TRIQK: variants seen among roughly 807,000 people sequenced by gnomAD.
TRIQK encodes triple QxxK/R motif-containing protein.
TRIQK carries 10 observed loss-of-function variants against 10.8 expected under a neutral mutation model. The ratio of observed to expected loss-of-function variants is 0.92; its 90% CI spans 0.57 to 1.57. The LOEUF is 1.57. TRIQK is among the 40% of genes most tolerant of loss of function. The pLI, the probability that TRIQK is intolerant of heterozygous loss-of-function variation, is 0.00. For synonymous variants in TRIQK, 33 were observed against 33.7 expected (o/e 0.98, Z 0.07); for missense variants, 107 against 97.7 (o/e 1.09, Z -0.40).
intron 1 of TRIQK, among the ~76,000 whole-genome samples, chr8:92,986,877 G>A (rs753339310): frequency 5.3e-5 from 8 of 152,268 alleles, no homozygotes; most frequent in Non-Finnish European, 1.0e-4. Flanking sequence ...TGATAGTTAA[G>A]ATGGTTGTCC....
At chr8:92,974,873 C>T (rs1812915590) in intron 1 of TRIQK, 1 of 152,224 alleles carries the variant, frequency 6.6e-6, no homozygotes, top group Non-Finnish European at 1.5e-5. Flanking sequence ...TCTGCAGGGC[C>T]TTGCCTGGGA....
upstream of TRIQK, among the ~76,000 whole-genome samples, chr8:92,967,831 A>AT (rs1162019476): frequency 6.6e-6 from 1 of 150,804 alleles, no homozygotes; most frequent in Non-Finnish European, 1.5e-5. Flanking sequence ...CAAAAAAAAA[A>AT]AAAAAAAAAA....
chr8:92,988,890 C>A (rs543733414), intron 1 of TRIQK, among the ~76,000 whole-genome samples: 4 of 152,168 alleles, frequency 2.6e-5, no homozygotes, highest in African/African-American at 9.6e-5. Context: ...CCCTTCCTTC[C>A]TTTTTGTTGT....
chr8:93,004,935 A>G (rs1009364645), intron 1 of TRIQK, among the ~76,000 whole-genome samples: 2 of 152,164 alleles, frequency 1.3e-5, no homozygotes, highest in Non-Finnish European at 2.9e-5. Flanking sequence ...CAACCATTCA[A>G]CAAGTTTCTA....
chr8:92,926,029 A>G (rs1312217907), intron 2 of TRIQK, among the ~76,000 whole-genome samples: 1 of 152,012 alleles, frequency 6.6e-6, no homozygotes, highest in African/African-American at 2.4e-5. Context: ...GCAGTGAGCC[A>G]AGATCGCGCC....
At chr8:92,951,384 C>T (rs1811895323) in intron 2 of TRIQK, among the ~76,000 whole-genome samples, 1 of 152,008 alleles carries the variant, frequency 6.6e-6, no homozygotes, top group Non-Finnish European at 1.5e-5. Flanking sequence ...AATGAGGACA[C>T]AGAGCACAAC....
intron 1 of TRIQK, among the ~76,000 whole-genome samples, chr8:92,979,958 T>C (rs1418936994): frequency 6.6e-6 from 1 of 152,056 alleles, no homozygotes. Flanking sequence ...TTTATTTTCA[T>C]TATTTCATTA....
intron 3 of TRIQK, among the ~76,000 whole-genome samples, chr8:92,901,111 T>A (rs1808912714): frequency 6.6e-6 from 1 of 152,152 alleles, no homozygotes; most frequent in African/African-American, 2.4e-5. Context: ...CTCCAGCAAC[T>A]ATACTGAAAT....
At chr8:92,952,418 AACAC>A (rs143129049) in intron 2 of TRIQK, among the ~76,000 whole-genome samples, 10 of 148,186 alleles carry the variant, frequency 6.7e-5, no homozygotes, top group South Asian at 4.3e-4. Flanking sequence ...ACAAAGATAA[AACAC>A]ACACACACAC....
At chr8:92,968,803 T>C (rs1812845130), upstream of TRIQK, among the ~76,000 whole-genome samples, 1 of 152,208 alleles carries the variant, frequency 6.6e-6, no homozygotes, top group African/African-American at 2.4e-5. Flanking sequence ...CTCTTCAGTT[T>C]AATTAGATCC....
intron 2 of TRIQK, among the ~76,000 whole-genome samples, chr8:92,923,013 T>TA (rs1296121491): frequency 6.6e-6 from 1 of 151,774 alleles, no homozygotes; most frequent in Non-Finnish European, 1.5e-5. Flanking sequence ...ATAAATTACT[T>TA]ACATTTTATT....
chr8:92,936,713 C>T, intron 2 of TRIQK, among the ~76,000 whole-genome samples: 1 of 151,356 alleles, frequency 6.6e-6, no homozygotes, highest in Non-Finnish European at 1.5e-5. Context: ...CATTATGATT[C>T]ACAAATAATA....
At chr8:92,992,859 A>T (rs1325983499) in intron 1 of TRIQK, among the ~76,000 whole-genome samples, 6 of 152,348 alleles carry the variant, frequency 3.9e-5, no homozygotes, top group African/African-American at 1.2e-4. Context: ...TTGAAGTCCT[A>T]GTGCACTGAA....
chr8:92,959,981 T>C (rs936946961), intron 1 of TRIQK, among the ~76,000 whole-genome samples: 2 of 152,168 alleles, frequency 1.3e-5, no homozygotes, highest in Non-Finnish European at 2.9e-5. Context: ...ACATGCTTTT[T>C]TCTTTTCTTT....
chr8:92,940,398 G>C (rs1168289083), intron 2 of TRIQK, among the ~76,000 whole-genome samples: 3 of 150,404 alleles, frequency 2.0e-5, no homozygotes, highest in African/African-American at 7.3e-5. Flanking sequence ...TCACTGTCAG[G>C]GACACAAACA....
intron 2 of TRIQK, among the ~76,000 whole-genome samples, chr8:92,922,798 T>C (rs1226689016): frequency 1.3e-5 from 2 of 151,788 alleles, no homozygotes; most frequent in Non-Finnish European, 3.0e-5. Flanking sequence ...ATAAAAGCTA[T>C]AAAAGAATTT....
intron 1 of TRIQK, among the ~76,000 whole-genome samples, chr8:92,985,151 C>A (rs150953793): frequency 0.013 from 1,965 of 152,174 alleles, 26 homozygotes; most frequent in Non-Finnish European, 0.022. Context: ...TTTGAATGAC[C>A]ATATTGTGCT....
intron 1 of TRIQK, among the ~76,000 whole-genome samples, chr8:93,001,543 G>A (rs895048508): frequency 6.6e-6 from 1 of 151,974 alleles, no homozygotes; most frequent in Non-Finnish European, 1.5e-5. Context: ...AGACAATGAA[G>A]GTCACTATAT....
chr8:92,902,114 G>A (rs887687771), intron 3 of TRIQK, among the ~76,000 whole-genome samples: 8 of 152,016 alleles, frequency 5.3e-5, no homozygotes, highest in Admixed American at 1.3e-4. Context: ...TACACCCCAA[G>A]TCCACTGGTT....
Sources: gnomAD v4.1 joint callset for allele counts (sites outside exome capture counted in the v4.1 genomes callset) on GRCh38, gnomAD v4.1.1 for gene constraint, MANE v1.5 for transcripts, NCBI Gene and HGNC (gene_info 2026-07-23, HGNC 2026-07-21) for gene names.